MACROD1: variants seen among roughly 807,000 people sequenced by gnomAD.
MACROD1 encodes the protein ADP-ribose glycohydrolase MACROD1.
In MACROD1, 31 loss-of-function variants were observed where a neutral mutation model predicts 41.4. The observed-to-expected ratio is 0.75, with a 90% CI of 0.56 to 1.01. MACROD1 has a LOEUF of 1.01. Ranked by LOEUF, MACROD1 falls within the 50% of genes least tolerant of loss-of-function variation. The pLI is 0.00. For missense variants in MACROD1, 473 were observed against 460.0 expected (o/e 1.03, Z -0.26); for synonymous variants, 252 against 203.4 (o/e 1.24, Z -2.03).
intron 3 of MACROD1, among the ~76,000 whole-genome samples, chr11:64,131,867 C>T (rs940619787): frequency 6.6e-6 from 1 of 152,080 alleles, no homozygotes; most frequent in Non-Finnish European, 1.5e-5. Context: ...CTCCTACAGG[C>T]AAACAGGCCC....
intron 3 of MACROD1, among the ~76,000 whole-genome samples, chr11:64,123,013 TG>T (rs1439565029): frequency 3.3e-5 from 5 of 152,002 alleles, no homozygotes; most frequent in Non-Finnish European, 7.4e-5. Flanking sequence ...GAGAGGAGGC[TG>T]GGGCTTCTGA....
intron 3 of MACROD1, among the ~76,000 whole-genome samples, chr11:64,092,338 GAC>G: frequency 6.6e-6 from 1 of 152,370 alleles, no homozygotes; most frequent in South Asian, 2.1e-4. Context: ...CAAGGCCAGA[GAC>G]ACAGAGCCTG....
intron 3 of MACROD1, chr11:64,117,957 G>T: frequency 6.2e-7 from 1 of 1,613,770 alleles, no homozygotes; most frequent in Non-Finnish European, 8.5e-7. Context: ...AGTGGCTCTG[G>T]TCTTCCTCTT....
intron 3 of MACROD1, among the ~76,000 whole-genome samples, chr11:64,094,698 T>TCAGGGAGGCTGAC (rs1251612776): frequency 6.6e-6 from 1 of 152,158 alleles, no homozygotes; most frequent in East Asian, 1.9e-4. Flanking sequence ...GAAAAGTGGT[T>TCAGGGAGGCTGAC]CAGGGAGGCT....
At chr11:64,018,806 A>C (rs1303528725) in intron 3 of MACROD1, among the ~76,000 whole-genome samples, 1 of 152,150 alleles carries the variant, frequency 6.6e-6, no homozygotes, top group South Asian at 2.1e-4. Context: ...AGGTGGGCCC[A>C]GGAGCACTGG....
intron 3 of MACROD1, among the ~76,000 whole-genome samples, chr11:64,040,686 T>C (rs1264496080): frequency 2.6e-5 from 4 of 152,184 alleles, no homozygotes; most frequent in Non-Finnish European, 5.9e-5. Flanking sequence ...GCGGTAGCCC[T>C]GGGTGGACCG....
At chr11:64,053,814 G>GC (rs1590844166) in intron 3 of MACROD1, among the ~76,000 whole-genome samples, 1 of 152,144 alleles carries the variant, frequency 6.6e-6, no homozygotes, top group African/African-American at 2.4e-5. Flanking sequence ...CCCCTTGCCT[G>GC]CCCGCAGATG....
intron 3 of MACROD1, chr11:64,149,163 T>TAC: frequency 3.2e-6 from 1 of 311,156 alleles, no homozygotes; most frequent in Non-Finnish European, 4.7e-6. Context: ...ACAGGGGTGA[T>TAC]GCCCAGAACG....
chr11:64,148,712 C>G (rs866511064), intron 3 of MACROD1: 18 of 985,404 alleles, frequency 1.8e-5, no homozygotes, highest in Middle Eastern at 5.2e-4. Context: ...TCACGAGGCA[C>G]AGACGCAGAT....
chr11:64,121,415 C>T (rs571662914), intron 3 of MACROD1, among the ~76,000 whole-genome samples: 1 of 152,360 alleles, frequency 6.6e-6, no homozygotes, highest in South Asian at 2.1e-4. Flanking sequence ...GGACCCAGCT[C>T]TAGAGCTGAC....
rs1332198049 is a variant in MACROD1 at position 64,054,316 on chromosome 11, C to T, written c.518-39035G>A. On this transcript the variant is annotated intron_variant, in intron 3 of 10. Coordinates refer to ENST00000255681, the MANE Select transcript of MACROD1 (RefSeq NM_014067.4). ...AGACAGAGGAAGAACTGCCTGACAA[C>T]GGGGATTATTAACAAGTTTGCAAAG... Among the ~76,000 whole-genome samples the T allele has an allele frequency of 3.3e-5, 5 of 152,302 alleles. No individual in the cohort carries two copies. The East Asian group carries it at 5.8e-4, about 18-fold the overall frequency.
At chr11:64,117,140 C>T (rs1945001042) in intron 3 of MACROD1, 1 of 1,613,576 alleles carries the variant, frequency 6.2e-7, no homozygotes, top group East Asian at 2.2e-5. Context: ...ACACGCTGGC[C>T]AAGATGCGTG....
At position 64,081,439 on chromosome 11, in the gene MACROD1, T is replaced by C. The variant is rs1423569258; in HGVS notation, c.518-66158A>G. 2.6e-5 allele frequency among the ~76,000 whole-genome samples: 4 copies of C among 152,308 alleles called. No individual in the cohort carries two copies. The South Asian group carries it at 8.3e-4, about 32-fold the overall frequency. ...GTGGTCCTGGGACCTGTCCCAGCTG[T>C]GACCCTCATACAGGGATTGGCAGAG... On this transcript the variant is annotated intron_variant, in intron 3 of 10. Coordinates refer to ENST00000255681, the MANE Select transcript of MACROD1 (RefSeq NM_014067.4).
chr11:64,029,489 T>G (rs1943266031), intron 3 of MACROD1, among the ~76,000 whole-genome samples: 1 of 152,070 alleles, frequency 6.6e-6, no homozygotes, highest in Non-Finnish European at 1.5e-5. Flanking sequence ...CCACCCTCTC[T>G]TTGGATCAGG....
At chr11:64,046,793 C>T (rs769689007) in intron 3 of MACROD1, among the ~76,000 whole-genome samples, 4 of 152,222 alleles carry the variant, frequency 2.6e-5, no homozygotes, top group Non-Finnish European at 5.9e-5. Context: ...GCCGCTGCGC[C>T]TGGCCTGGCC....
chr11:64,095,970 GT>G (rs1944568914), intron 3 of MACROD1, among the ~76,000 whole-genome samples: 1 of 49,062 alleles, frequency 2.0e-5, no homozygotes, highest in East Asian at 3.1e-4. Context: ...TCCAGCAGTG[GT>G]CCCCCCACCC....
At chr11:64,079,584 G>C (rs1332352628) in intron 3 of MACROD1, among the ~76,000 whole-genome samples, 2 of 152,190 alleles carry the variant, frequency 1.3e-5, no homozygotes, top group African/African-American at 2.4e-5. Flanking sequence ...GGAGTCCAGG[G>C]TCCTGGGCGT....
Position 63,999,693 on chromosome 11 carries a change from G to C in MACROD1, c.735C>G (p.Ser245Arg). The C allele has an allele frequency of 1.2e-6, 2 of 1,609,138 alleles. No homozygotes were observed. The highest frequency in any genetic ancestry group is 1.7e-6 in the Non-Finnish European group (2 of 1,179,192). The stretch of plus-strand genomic sequence containing the variant: ...GCAGGTCCAGACTGCTCAGGTAGCA[G>C]CTGCGGAGCTCGGCAGCCTGACTGG... ...PSASQAAELR[S>R]CYLSSLDLLL... The change falls in exon 6 of 11, where the codon AGC (serine) becomes AGG (arginine). Residue 245 changes from serine to arginine, a missense_variant. Transcript: ENST00000255681.
intron 3 of MACROD1, among the ~76,000 whole-genome samples, chr11:64,068,579 A>T (rs771828426): frequency 2.6e-5 from 4 of 152,242 alleles, no homozygotes; most frequent in Non-Finnish European, 5.9e-5. Flanking sequence ...TTCCCATTTG[A>T]TTGGCAGATA....
Sources: gnomAD v4.1 joint callset for allele counts (sites outside exome capture counted in the v4.1 genomes callset) on GRCh38, gnomAD v4.1.1 for gene constraint, MANE v1.5 for transcripts, NCBI Gene and HGNC (gene_info 2026-07-23, HGNC 2026-07-21) for gene names.